GAREM1: variants seen among roughly 807,000 people sequenced by gnomAD.
GAREM1 encodes the protein GRB2-associated and regulator of MAPK protein 1.
GAREM1 carries 26 observed loss-of-function variants against 71.3 expected under a neutral mutation model. The ratio of observed to expected loss-of-function variants is 0.36; its 90% CI spans 0.27 to 0.51. GAREM1 has a LOEUF of 0.51. Ranked by LOEUF, GAREM1 falls within the 20% of genes least tolerant of loss-of-function variation. The pLI is 0.95. For missense variants in GAREM1, 1,026 were observed against 1,103.1 expected (o/e 0.93, Z 0.99); for synonymous variants, 440 against 433.2 (o/e 1.02, Z -0.20).
intron 2 of GAREM1, among the ~76,000 whole-genome samples, chr18:32,375,740 T>C (rs1219303160): frequency 6.6e-6 from 1 of 152,114 alleles, no homozygotes; most frequent in Non-Finnish European, 1.5e-5. Flanking sequence ...GACAATAGGA[T>C]CTGCCTGCCT....
At position 32,264,123 on chromosome 18, in the gene GAREM1, A is replaced by C. The variant is rs142401109; in HGVS notation, c.*3748T>G. The C allele has an allele frequency of 8.0e-4, 122 of 152,264 alleles. No individual in the cohort carries two copies. Among genetic ancestry groups the C allele is most frequent in the African/African-American group, 2.7e-3 (114 of 41,548 alleles). The allele number at this position is 152,264 out of a possible 1,614,324, so 9.4% of individuals were successfully genotyped here. A position where few individuals can be genotyped will look rare whatever the true frequency, so the allele number is the denominator to read the frequency against. On this transcript the variant is annotated 3_prime_UTR_variant, in exon 6 of 6. Coordinates refer to ENST00000269209, the MANE Select transcript of GAREM1 (RefSeq NM_001242409.2). ...CGTATTATTACAATCCCACAATCTAAAAACTCTACTTCACATAATTTGCAC... is the reference window on the plus strand; with the variant it reads ...CGTATTATTACAATCCCACAATCTACAAACTCTACTTCACATAATTTGCAC...
At chr18:32,415,575 AAATC>A (rs1438539909) in intron 1 of GAREM1, among the ~76,000 whole-genome samples, 3 of 152,198 alleles carry the variant, frequency 2.0e-5, no homozygotes, top group Admixed American at 1.3e-4. Context: ...CAACACACGG[AAATC>A]AATCAATGTG....
chr18:32,354,017 G>C (rs544775505), intron 2 of GAREM1, among the ~76,000 whole-genome samples: 3 of 152,238 alleles, frequency 2.0e-5, no homozygotes, highest in African/African-American at 7.2e-5. Flanking sequence ...GAATTGATGA[G>C]TATTAGTAAA....
chr18:32,456,428 A>G (rs1444578394), intron 1 of GAREM1, among the ~76,000 whole-genome samples: 1 of 152,162 alleles, frequency 6.6e-6, no homozygotes, highest in Non-Finnish European at 1.5e-5. Flanking sequence ...TTTTTAAAAC[A>G]TAATAACTAT....
Position 32,470,848 on chromosome 18 carries a change from T to C in GAREM1, c.-420A>G, listed in dbSNP as rs1356439588. 6.6e-6 allele frequency among the ~76,000 whole-genome samples: 1 copy of C among 150,376 alleles called. No homozygotes were observed. Among genetic ancestry groups the C allele is most frequent in the Non-Finnish European group, 1.5e-5 (1 of 67,452 alleles). On this transcript the variant is annotated 5_prime_UTR_variant, in exon 1 of 6. Coordinates refer to ENST00000269209, the MANE Select transcript of GAREM1 (RefSeq NM_001242409.2). The surrounding 1 kb of genome is among the most constrained non-coding windows in gnomAD (Gnocchi z 4.4). ...AGCGTGTGAGGAGGAGCCGCGGGTC[T>C]GAGAAACGCCATAGCAGCGCTCCCA...
At chr18:32,365,391 A>G (rs1962433940) in intron 2 of GAREM1, among the ~76,000 whole-genome samples, 1 of 152,244 alleles carries the variant, frequency 6.6e-6, no homozygotes, top group Non-Finnish European at 1.5e-5. Context: ...CTACTAAAGC[A>G]ACTGAAGAGA....
chr18:32,309,867 C>T (rs2047297487), intron 3 of GAREM1, among the ~76,000 whole-genome samples: 1 of 152,010 alleles, frequency 6.6e-6, no homozygotes, highest in Non-Finnish European at 1.5e-5. Context: ...CCCTTTTGCT[C>T]CCAGAAGTGG....
In GAREM1 at chr18:32,287,316, T is replaced by A; in HGVS notation, c.1281A>T (p.Gly427=). 6.2e-7 allele frequency: 1 copy of A among 1,614,128 alleles called. No individual in the cohort carries two copies. Among genetic ancestry groups the A allele is most frequent in the African/African-American group, 1.3e-5 (1 of 75,040 alleles). The stretch of plus-strand genomic sequence containing the variant: ...GGAAAAGGTAGTCGCTCCCACTATC[T>A]CCAGAGTCCTGATAGGGCAGGATGT... The part of the protein sequence containing the change: ...PHDILPYQDS[G]DSGSDYLFPE... The change falls in exon 4 of 6, where the codon GGA becomes GGT. Residue 427 remains glycine (G), a synonymous_variant. Transcript: ENST00000269209. The surrounding 1 kb of genome is among the most constrained non-coding windows in gnomAD (Gnocchi z 5.9).
intron 1 of GAREM1, among the ~76,000 whole-genome samples, chr18:32,463,565 T>C (rs1162185153): frequency 7.1e-6 from 1 of 141,376 alleles, no homozygotes; most frequent in African/African-American, 2.6e-5. Context: ...GTTTTTTAAA[T>C]CACTTTTTTT....
At chr18:32,424,169 C>T (rs929298223) in intron 1 of GAREM1, among the ~76,000 whole-genome samples, 3 of 151,934 alleles carry the variant, frequency 2.0e-5, no homozygotes, top group African/African-American at 7.2e-5. Context: ...AAGCAAGTGT[C>T]TCACAGGAGT....
At chr18:32,295,840 A>G (rs1422736806) in intron 3 of GAREM1, among the ~76,000 whole-genome samples, 1 of 152,144 alleles carries the variant, frequency 6.6e-6, no homozygotes, top group Admixed American at 6.6e-5. Flanking sequence ...TATTGCTATT[A>G]TTTTTTAACA....
At chr18:32,383,599 C>T (rs1259786224) in intron 2 of GAREM1, among the ~76,000 whole-genome samples, 1 of 152,200 alleles carries the variant, frequency 6.6e-6, no homozygotes, top group Non-Finnish European at 1.5e-5. Flanking sequence ...CCCACCCATG[C>T]TATAAACACT....
At chr18:32,397,778 A>T (rs2048272173) in intron 1 of GAREM1, among the ~76,000 whole-genome samples, 1 of 152,162 alleles carries the variant, frequency 6.6e-6, no homozygotes, top group Non-Finnish European at 1.5e-5. Flanking sequence ...CAGGAATTGA[A>T]CTCAGGAATT....
intron 2 of GAREM1, among the ~76,000 whole-genome samples, chr18:32,329,704 A>T (rs1170329038): frequency 7.7e-5 from 6 of 78,366 alleles, no homozygotes; most frequent in African/African-American, 2.0e-4. Flanking sequence ...AGACTCCATT[A>T]AAAAAAAAAA....
At chr18:32,372,875 T>TG (rs1267400637) in intron 2 of GAREM1, among the ~76,000 whole-genome samples, 2 of 152,124 alleles carry the variant, frequency 1.3e-5, no homozygotes, top group African/African-American at 4.8e-5. Flanking sequence ...TGTAGAAAAC[T>TG]GGGGGTTGTG....
chr18:32,268,078 T>A lies in GAREM1; in HGVS notation c.2424A>T (p.Leu808=), dbSNP rs200228845. The change falls in exon 6 of 6, where the codon CTA becomes CTT. Residue 808 remains leucine, a synonymous_variant. Coordinates refer to ENST00000269209, the MANE Select transcript of GAREM1 (RefSeq NM_001242409.2). ...ACACTTCCTCTATAGAGAGTCCTGA[T>A]AGGTCAGCAGGTGGCTGCCATGGGG... ...DGSPWQPPAD[L]SGLSIEEVSK... is the part of the protein sequence containing the mutation. 4.3e-6 allele frequency: 7 copies of A among 1,614,122 alleles called. No homozygotes were observed. The highest frequency in any genetic ancestry group is 5.9e-6 in the Non-Finnish European group (7 of 1,180,010).
intron 2 of GAREM1, among the ~76,000 whole-genome samples, chr18:32,319,497 G>A (rs1189307234): frequency 1.3e-5 from 2 of 152,152 alleles, no homozygotes; most frequent in Non-Finnish European, 2.9e-5. Flanking sequence ...TTGTATAAAT[G>A]TTCACCTCCA....
At chr18:32,433,809 T>A (rs1306049583) in intron 1 of GAREM1, among the ~76,000 whole-genome samples, 1 of 152,062 alleles carries the variant, frequency 6.6e-6, no homozygotes, top group African/African-American at 2.4e-5. Flanking sequence ...TGTAAAGAAA[T>A]GAAGAAATAG....
At chr18:32,323,255 T>A (rs2047446660) in intron 2 of GAREM1, among the ~76,000 whole-genome samples, 1 of 152,214 alleles carries the variant, frequency 6.6e-6, no homozygotes. Flanking sequence ...GCTTACAACA[T>A]CACTGATCTA....
Sources: gnomAD v4.1 joint callset for allele counts (sites outside exome capture counted in the v4.1 genomes callset) on GRCh38, gnomAD v4.1.1 for gene constraint, Gnocchi (gnomAD v3.1) non-coding constraint, MANE v1.5 for transcripts, NCBI Gene and HGNC (gene_info 2026-07-23, HGNC 2026-07-21) for gene names.